The following CALHM5 variants were observed in gnomAD, a reference collection of about 807,000 sequenced individuals.
The protein encoded by CALHM5 is calcium homeostasis modulator protein 5.
A neutral mutation model predicts 20.9 loss-of-function variants in CALHM5; 17 were observed. That is an observed-to-expected ratio of 0.82 (90% confidence interval 0.56 to 1.22). CALHM5 has a LOEUF of 1.22. CALHM5 is among the 50% of genes most tolerant of loss of function. The probability of loss-of-function intolerance (pLI) is 0.00; values close to 1 mark genes in which losing one functional copy is unlikely to be tolerated. For missense variants in CALHM5, 360 were observed against 364.6 expected (o/e 0.99, Z 0.10); for synonymous variants, 148 against 140.0 (o/e 1.06, Z -0.40).
intron 1 of CALHM5, among the ~76,000 whole-genome samples, chr6:116,514,773 A>G (rs1015403475): frequency 2.6e-5 from 4 of 152,192 alleles, no homozygotes; most frequent in Non-Finnish European, 4.4e-5. Flanking sequence ...GTTCATTTGT[A>G]GATTATTATT....
At chr6:116,514,524 T>C (rs1772184361) in intron 1 of CALHM5, among the ~76,000 whole-genome samples, 1 of 152,228 alleles carries the variant, frequency 6.6e-6, no homozygotes, top group African/African-American at 2.4e-5. Flanking sequence ...CCAGTATCAT[T>C]TCATTAGGTC....
Position 116,515,988 on chromosome 6 carries a change from A to G in CALHM5, c.929A>G (p.Ter310TrpextTer6). The change falls in exon 2 of 2, where the codon TAG (stop) becomes TGG (tryptophan). Residue 310 changes from the stop codon to tryptophan, a stop_lost. Coordinates refer to ENST00000368599, the MANE Select transcript of CALHM5 (RefSeq NM_153711.5). Reference protein sequence around the residue: ...MVLVGTAHNM* With the variant: ...MVLVGTAHNMW ...CTTGTGGGTACTGCCCACAATATGT[A>G]GCTCATCCACCATCAATGACTCATG... 1 of 1,584,960 alleles carries G rather than the reference A, an allele frequency of 6.3e-7. No homozygotes were observed. The highest frequency in any genetic ancestry group is 8.6e-7 in the Non-Finnish European group (1 of 1,160,598).
rs2115174541 is a variant in CALHM5 at position 116,521,929 on chromosome 6, A to C, written c.*5940A>C. On this transcript the variant is annotated 3_prime_UTR_variant, in exon 2 of 2. Coordinates refer to ENST00000368599, the MANE Select transcript of CALHM5 (RefSeq NM_153711.5). ...CTCTTACAATGTTGCAATGCTCAAC[A>C]GTCTGGTAAAAGCCACTATGTAAGA... 1 of 152,310 alleles carries C rather than the reference A, an allele frequency of 6.6e-6. No individual in the cohort carries two copies. The highest frequency in any genetic ancestry group is 2.4e-5 in the African/African-American group (1 of 41,566). 9.4% of individuals were successfully genotyped at this position (152,310 alleles called of 1,614,324 possible). A position where few individuals can be genotyped will look rare whatever the true frequency, so the allele number is the denominator to read the frequency against.
At chr6:116,515,224 C>G (rs1224245146) in intron 1 of CALHM5, among the ~76,000 whole-genome samples, 2 of 152,148 alleles carry the variant, frequency 1.3e-5, no homozygotes, top group African/African-American at 4.8e-5. Context: ...AAGAGCTGGT[C>G]ATTTACTCAA....
At chr6:116,513,211 C>T (rs1772159823) in intron 1 of CALHM5, among the ~76,000 whole-genome samples, 1 of 152,144 alleles carries the variant, frequency 6.6e-6, no homozygotes, top group Non-Finnish European at 1.5e-5. Context: ...TTGGTAACAA[C>T]AAATCAAGGC....
chr6:116,512,127 G>C lies in CALHM5; in HGVS notation c.431G>C (p.Gly144Ala). ...GGACTCCTGGAACTGATTTGCAAGG[G>C]TAAGCCCAAAGAGTGCTGGGAAGAA... ...SSGLLELICK[G>A]KPKECWEELH... Residue 144 changes from glycine to alanine, a missense_variant, in exon 1 of 2, where the codon GGT (glycine) becomes GCT (alanine). Gly to Ala is a moderately conservative substitution (Grantham distance 60). Coordinates refer to ENST00000368599, the MANE Select transcript of CALHM5 (RefSeq NM_153711.5). 6.2e-7 allele frequency: 1 copy of C among 1,613,980 alleles called. No homozygotes were observed. The highest frequency in any genetic ancestry group is 8.5e-7 in the Non-Finnish European group (1 of 1,179,996).
chr6:116,515,431 A>C (rs971353421), intron 1 of CALHM5, among the ~76,000 whole-genome samples, 169 bp from the exon 2 acceptor site: 1 of 152,208 alleles, frequency 6.6e-6, no homozygotes, highest in Non-Finnish European at 1.5e-5. Context: ...GAGTTTACCT[A>C]ATAAATTCAA....
Position 116,521,322 on chromosome 6 carries a change from G to A in CALHM5, c.*5333G>A, listed in dbSNP as rs1278161389. ...GTGCCACCTGTAAGCTGGAGAATCA[G>A]GGAAATGTGTAGGGTGGCTCAAGTC... On this transcript the variant is annotated 3_prime_UTR_variant, in exon 2 of 2. Transcript: ENST00000368599. The A allele has an allele frequency of 1.3e-5, 2 of 152,134 alleles. No homozygotes were observed. The highest frequency in any genetic ancestry group is 1.3e-4 in the Admixed American group (2 of 15,256). The allele number at this position is 152,134 out of a possible 1,614,324, so 9.4% of individuals were successfully genotyped here.
In CALHM5 at chr6:116,516,704, T is replaced by TAC. The variant is rs1396336807; in HGVS notation, c.*716_*717insCA. On this transcript the variant is annotated 3_prime_UTR_variant, in exon 2 of 2. Coordinates refer to ENST00000368599, the MANE Select transcript of CALHM5 (RefSeq NM_153711.5). ...ATATATATATATATATATATATATA[T>TAC]ATATACACACACACAGAAATATATA... 3.2e-5 allele frequency: 4 copies of TAC among 123,188 alleles called. No individual in the cohort carries two copies. The South Asian group carries it at 7.9e-4, about 24-fold the overall frequency. The allele number at this position is 123,188 out of a possible 1,614,324, so 7.6% of individuals were successfully genotyped here.
Position 116,515,909 on chromosome 6 carries a change from G to A in CALHM5, c.850G>A (p.Val284Met). The change falls in exon 2 of 2, where the codon GTG becomes ATG. Residue 284 changes from valine (V) to methionine (M), a missense_variant. Transcript: ENST00000368599. ...GCAACACTATAGCACCCTCCACAGA[G>A]TGGTGGACAATGGTCTGCAACTTAG... ...SQQHYSTLHRVVDNGLQLSPE... is the reference protein window; with the variant it reads ...SQQHYSTLHRMVDNGLQLSPE... 1 of 1,613,874 alleles carries A rather than the reference G, an allele frequency of 6.2e-7. No individual in the cohort carries two copies. The highest frequency in any genetic ancestry group is 8.5e-7 in the Non-Finnish European group (1 of 1,179,868).
chr6:116,515,581 A>G lies in CALHM5; in HGVS notation c.541-19A>G. Reference sequence around the variant, plus strand: ...GGCTTTGCTTTCACGTGTGTACTCAATATTTCTTTCTTCTTAAGATTCTAG... The same window carrying G: ...GGCTTTGCTTTCACGTGTGTACTCAGTATTTCTTTCTTCTTAAGATTCTAG... On this transcript the variant is annotated intron_variant, in intron 1 of 1. Coordinates refer to ENST00000368599, the MANE Select transcript of CALHM5 (RefSeq NM_153711.5). The G allele has an allele frequency of 1.9e-6, 3 of 1,592,322 alleles. No individual in the cohort carries two copies. Among genetic ancestry groups the G allele is most frequent in the Non-Finnish European group, 2.6e-6 (3 of 1,169,812 alleles).
In CALHM5 at chr6:116,511,738, G is replaced by A; in HGVS notation, c.42G>A (p.Gln14=). The A allele has an allele frequency of 6.2e-7, 1 of 1,613,912 alleles. No individual in the cohort carries two copies. Among genetic ancestry groups the A allele is most frequent in the Non-Finnish European group, 8.5e-7 (1 of 1,179,944 alleles). The change falls in exon 1 of 2, where the codon CAG becomes CAA. Residue 14 remains glutamine (Q), a synonymous_variant. Coordinates refer to ENST00000368599, the MANE Select transcript of CALHM5 (RefSeq NM_153711.5). ...FQGILKFFLN[Q]KTVIGYSFMA... is the part of the protein sequence containing the mutation. ...GCATTTTAAAATTCTTCCTTAATCAGAAAACTGTTATTGGCTACAGCTTCA... is the reference window on the plus strand; with the variant it reads ...GCATTTTAAAATTCTTCCTTAATCAAAAAACTGTTATTGGCTACAGCTTCA...
rs757359429 is a variant in CALHM5, at chr6:116,521,375, A to G, written c.*5386A>G. ...AGTCTGAGGGCCTGAGAACCAGGGG[A>G]GTTGATGGTACAAATCCCAGAGCCA... On this transcript the variant is annotated 3_prime_UTR_variant, in exon 2 of 2. Transcript: ENST00000368599. 1.3e-5 allele frequency: 2 copies of G among 152,046 alleles called. No homozygotes were observed. The highest frequency in any genetic ancestry group is 2.9e-5 in the Non-Finnish European group (2 of 68,018). 9.4% of individuals were successfully genotyped at this position (152,046 alleles called of 1,614,324 possible). A position where few individuals can be genotyped will look rare whatever the true frequency, so the allele number is the denominator to read the frequency against.
rs1312805959 is a variant in CALHM5, at chr6:116,522,296, A to C, written c.*6307A>C. 6.6e-6 allele frequency: 1 copy of C among 152,132 alleles called. No homozygotes were observed. The highest frequency in any genetic ancestry group is 1.5e-5 in the Non-Finnish European group (1 of 68,034). The allele number at this position is 152,132 out of a possible 1,614,324, so 9.4% of individuals were successfully genotyped here. A position where few individuals can be genotyped will look rare whatever the true frequency, so the allele number is the denominator to read the frequency against. ...AGAAGTCCTTGCCATGTCCTATCCA[A>C]CTCCATGACCCCAAAAATCATGAGC... On this transcript the variant is annotated 3_prime_UTR_variant, in exon 2 of 2. Coordinates refer to ENST00000368599, the MANE Select transcript of CALHM5 (RefSeq NM_153711.5).
rs1243340850 is a variant in CALHM5, at chr6:116,523,740, T to C, written c.*7751T>C. On this transcript the variant is annotated 3_prime_UTR_variant, in exon 2 of 2. Transcript: ENST00000368599. ...TCCTAAGAAGCTAAACCTAATCAAG[T>C]ATTTAGACATTACTGCTAGTTTATA... 1 of 152,142 alleles carries C rather than the reference T, an allele frequency of 6.6e-6. No homozygotes were observed. The highest frequency in any genetic ancestry group is 1.5e-5 in the Non-Finnish European group (1 of 68,028). 9.4% of individuals were successfully genotyped at this position (152,142 alleles called of 1,614,324 possible).
At position 116,521,895 on chromosome 6, in the gene CALHM5, T is replaced by C. The variant is rs958468421; in HGVS notation, c.*5906T>C. The C allele has an allele frequency of 2.0e-5, 3 of 152,190 alleles. No homozygotes were observed. The highest frequency in any genetic ancestry group is 4.4e-5 in the Non-Finnish European group (3 of 68,034). The allele number at this position is 152,190 out of a possible 1,614,324, so 9.4% of individuals were successfully genotyped here. ...GATTGTTAAGCAGTATCACAGTTTA[T>C]GCCTTGGTCTCTTACAATGTTGCAA... is the stretch of plus-strand genomic sequence containing the variant. On this transcript the variant is annotated 3_prime_UTR_variant, in exon 2 of 2. Coordinates refer to ENST00000368599, the MANE Select transcript of CALHM5 (RefSeq NM_153711.5).
Position 116,512,222 on chromosome 6 carries a change from C to T in CALHM5, c.526C>T (p.Gln176Ter). 1.3e-6 allele frequency: 2 copies of T among 1,597,212 alleles called. No homozygotes were observed. Among genetic ancestry groups the T allele is most frequent in the Non-Finnish European group, 1.7e-6 (2 of 1,175,454 alleles). The change falls in exon 1 of 2, where the codon CAG (glutamine) becomes TAG (stop). Residue 176 changes from glutamine to a stop codon, truncating the protein, a stop_gained. Transcript: ENST00000368599. LOFTEE classifies it high-confidence loss of function. ...CAATGAAGAACTGAAACTCTCCCTT[C>T]AGGCCCAGTCTCAGGTAAGAAAAGA... Reference protein sequence around the residue: ...TVNEELKLSLQAQSQILGWCL... With the variant: ...TVNEELKLSL
chr6:116,514,045 T>G (rs1302444323), intron 1 of CALHM5, among the ~76,000 whole-genome samples: 1 of 152,140 alleles, frequency 6.6e-6, no homozygotes, highest in Non-Finnish European at 1.5e-5. Flanking sequence ...ACAGTATTTG[T>G]TCCAAGTCAA....
chr6:116,522,247 C>G lies in CALHM5; in HGVS notation c.*6258C>G, dbSNP rs1772359432. On this transcript the variant is annotated 3_prime_UTR_variant, in exon 2 of 2. Coordinates refer to ENST00000368599, the MANE Select transcript of CALHM5 (RefSeq NM_153711.5). ...CCATCTCCAAACATTTGACCCACTC[C>G]AGTGGAGGCTGCAGGCTTTGTAGAG... is the stretch of plus-strand genomic sequence containing the variant. The G allele has an allele frequency of 6.6e-6, 1 of 152,222 alleles. No individual in the cohort carries two copies. Among genetic ancestry groups the G allele is most frequent in the African/African-American group, 2.4e-5 (1 of 41,450 alleles). 9.4% of individuals were successfully genotyped at this position (152,222 alleles called of 1,614,324 possible).
Sources: gnomAD v4.1 joint callset for allele counts (sites outside exome capture counted in the v4.1 genomes callset) on GRCh38, gnomAD v4.1.1 for gene constraint, MANE v1.5 for transcripts, NCBI Gene and HGNC (gene_info 2026-07-23, HGNC 2026-07-21) for gene names.